FUS: variants seen among roughly 807,000 people sequenced by gnomAD.
FUS encodes FUS RNA binding protein.
A neutral mutation model predicts 82.7 loss-of-function variants in FUS; 5 were observed. The ratio of observed to expected loss-of-function variants is 0.06; its 90% CI spans 0.03 to 0.13. FUS has a LOEUF of 0.13. Ranked by LOEUF, FUS falls within the 10% of genes least tolerant of loss-of-function variation. The pLI is 1.00. For missense variants in FUS, 512 were observed against 707.8 expected (o/e 0.72, Z 3.14); for synonymous variants, 281 against 247.4 (o/e 1.14, Z -1.27).
intron 6 of FUS, chr16:31,185,518 A>G (rs1302294495): frequency 1.7e-6 from 1 of 578,774 alleles, no homozygotes; most frequent in Non-Finnish European, 3.3e-6. Context: ...TGCAAGGGAA[A>G]CCGATGATCC....
intron 1 of FUS, 177 bp from the exon 2 acceptor site, chr16:31,182,221 C>A (rs758699498): frequency 2.9e-5 from 21 of 716,818 alleles, no homozygotes; most frequent in Middle Eastern, 2.4e-4. Context: ...GAATTCCTGA[C>A]CTCAAGTGAT....
At chr16:31,184,418 C>A in intron 5 of FUS, 22 bp downstream of exon 5, 3 of 1,565,928 alleles carry the variant, frequency 1.9e-6, no homozygotes, top group Non-Finnish European at 2.6e-6. Flanking sequence ...TCAGCTTTGT[C>A]TGCAGCCCAT....
Position 31,190,280 on chromosome 16 carries a change from A to T in FUS, c.1174A>T (p.Met392Leu), listed in dbSNP as rs766753481. 6.2e-7 allele frequency: 1 copy of T among 1,614,116 alleles called. No homozygotes were observed. Among genetic ancestry groups the T allele is most frequent in the East Asian group, 2.2e-5 (1 of 44,878 alleles). Residue 392 changes from methionine (M) to leucine (L), a missense_variant, in exon 12 of 15, where the codon ATG becomes TTG. By Grantham distance (15) the Met-to-Leu change is conservative. Transcript: ENST00000254108. ...GRGGRGRGGP[M>L]GRGGYGGGGS... Reference sequence around the variant, plus strand: ...ACTTGGTCTATCTGCATTAGGACCCATGGGCCGTGGAGGCTATGGAGGTGG... The same window carrying T: ...ACTTGGTCTATCTGCATTAGGACCCTTGGGCCGTGGAGGCTATGGAGGTGG...
At chr16:31,188,848 T>G (rs1425938474) in intron 8 of FUS, 1 of 518,952 alleles carries the variant, frequency 1.9e-6, no homozygotes, top group Admixed American at 3.6e-5. Context: ...GATGGACTTT[T>G]CTGTGTGGTC....
intron 6 of FUS, 77 bp downstream of exon 6, chr16:31,185,256 C>T (rs2079250827): frequency 3.4e-6 from 5 of 1,471,686 alleles, no homozygotes; most frequent in Admixed American, 4.4e-5. Context: ...AAGCCAGTCC[C>T]TAGTGCATGG....
chr16:31,180,724 G>A (rs1596885498), intron 1 of FUS, among the ~76,000 whole-genome samples: 2 of 152,180 alleles, frequency 1.3e-5, no homozygotes, highest in Admixed American at 6.5e-5. Flanking sequence ...GCGCGCGTCC[G>A]GTGTGAGCCT....
Position 31,189,076 on chromosome 16 carries a change from T to G in FUS, c.833-47T>G, listed in dbSNP as rs377446055. The G allele has an allele frequency of 5.1e-5, 75 of 1,466,842 alleles. 1 individual carries two copies. The highest frequency in any genetic ancestry group is 4.6e-4 in the African/African-American group (33 of 72,034). The allele number at this position is 1,466,842 out of a possible 1,614,324, so 90.9% of individuals were successfully genotyped here. The stretch of plus-strand genomic sequence containing the variant: ...GGTGCTTTAGGTTTTTTCCTGTGTT[T>G]TTTATTTTACCTTTTCACATTTGCA... On this transcript the variant is annotated intron_variant, in intron 8 of 14. Coordinates refer to ENST00000254108, the MANE Select transcript of FUS (RefSeq NM_004960.4).
chr16:31,188,470 G>A (rs183216115), intron 8 of FUS, 113 bp downstream of exon 8: 1 of 1,122,256 alleles, frequency 8.9e-7, no homozygotes, highest in East Asian at 2.3e-5. Context: ...GATAGAGAAG[G>A]AAGGGAGTTA....
chr16:31,193,032 G>A (rs769205336), downstream of FUS: 8 of 484,378 alleles, frequency 1.7e-5, no homozygotes, highest in South Asian at 4.6e-5. Flanking sequence ...CACGTTTTTC[G>A]GCTTACCGCA....
chr16:31,187,973 G>C, intron 7 of FUS: 1 of 366,304 alleles, frequency 2.7e-6, no homozygotes, highest in East Asian at 4.6e-5. Flanking sequence ...TCGGGTGAGA[G>C]AACCGGGCCA....
At position 31,190,837 on chromosome 16, in the gene FUS, A is replaced by T; in HGVS notation, c.1388A>T (p.His463Leu). 1.2e-6 allele frequency: 2 copies of T among 1,613,796 alleles called. No individual in the cohort carries two copies. The highest frequency in any genetic ancestry group is 1.7e-6 in the Non-Finnish European group (2 of 1,179,608). The change falls in exon 13 of 15, where the codon CAC (histidine) becomes CTC (leucine). Residue 463 changes from histidine (H) to leucine (L), a missense_variant. By Grantham distance (99) the His-to-Leu change is moderately conservative. This residue lies in a region of FUS where 96 missense variants were observed against 120.7 expected (regional missense o/e 0.80). Coordinates refer to ENST00000254108, the MANE Select transcript of FUS (RefSeq NM_004960.4). ...DGPGGGPGGSHMGGNYGDDRR... is the reference protein window; with the variant it reads ...DGPGGGPGGSLMGGNYGDDRR... ...CCAGGAGGGGGACCAGGTGGCTCTCACATGGGTAAGAAAGGCAGACCTGGT... is the reference window on the plus strand; with the variant it reads ...CCAGGAGGGGGACCAGGTGGCTCTCTCATGGGTAAGAAAGGCAGACCTGGT...
downstream of FUS, chr16:31,194,593 C>A: frequency 2.0e-6 from 1 of 496,738 alleles, no homozygotes; most frequent in Middle Eastern, 5.9e-4. Context: ...GTGTGAGATA[C>A]TGTGTCCGGC....
chr16:31,189,302 C>A, intron 9 of FUS, 76 bp downstream of exon 9: 1 of 1,109,474 alleles, frequency 9.0e-7, no homozygotes, highest in Non-Finnish European at 1.4e-6. Flanking sequence ...AAAAGCAAGT[C>A]TTTAATGGTT....
At chr16:31,189,885 CTTCCAACACTTACT>C (rs2079326727) in intron 10 of FUS, 91 bp downstream of exon 10, 1 of 1,602,738 alleles carries the variant, frequency 6.2e-7, no homozygotes, top group Non-Finnish European at 8.5e-7. Context: ...TCTTTTGAGT[CTTCCAACACTTACT>C]TTAGCTGCGG....
At chr16:31,185,532 TC>T (rs1319652550) in intron 6 of FUS, 5 of 564,714 alleles carry the variant, frequency 8.9e-6, no homozygotes, top group Non-Finnish European at 1.7e-5. Flanking sequence ...ATGATCCCAC[TC>T]CTGGGAAATA....
At position 31,191,554 on chromosome 16, in the gene FUS, G is replaced by T; in HGVS notation, c.*116G>T. ...CAAGGGTTTTTTTGTGTCGGACTAT[G>T]TAATTGTAACTATACCTCTGGTTCC... On this transcript the variant is annotated 3_prime_UTR_variant, in exon 15 of 15. Transcript: ENST00000254108. The T allele has an allele frequency of 8.8e-7, 1 of 1,142,326 alleles. No homozygotes were observed. Among genetic ancestry groups the T allele is most frequent in the South Asian group, 1.3e-5 (1 of 79,316 alleles). The allele number at this position is 1,142,326 out of a possible 1,614,324, so 70.8% of individuals were successfully genotyped here. A position where few individuals can be genotyped will look rare whatever the true frequency, so the allele number is the denominator to read the frequency against.
chr16:31,189,981 T>G, intron 10 of FUS, 59 bp from the exon 11 acceptor site: 1 of 1,565,784 alleles, frequency 6.4e-7, no homozygotes, highest in South Asian at 1.1e-5. Context: ...GCTTCTCTTG[T>G]ATTTTCGGAT....
chr16:31,187,076 G>C, intron 7 of FUS: 1 of 584,744 alleles, frequency 1.7e-6, no homozygotes, highest in South Asian at 2.0e-5. Context: ...TTAATAAGAG[G>C]GGTCTAGTAG....
chr16:31,184,177 T>C, intron 4 of FUS, 32 bp from the exon 5 acceptor site: 1 of 1,614,018 alleles, frequency 6.2e-7, no homozygotes, highest in East Asian at 2.2e-5. Flanking sequence ...TATGCTGGGA[T>C]TGTGATTGTG....
Sources: allele counts gnomAD v4.1 joint callset (sites outside exome capture counted in the v4.1 genomes callset), GRCh38; gene constraint gnomAD v4.1.1; regional missense constraint gnomAD v4.1.1; transcripts MANE v1.5; gene names NCBI Gene and HGNC (gene_info 2026-07-23, HGNC 2026-07-21).